The following ZNF804A variants were observed in gnomAD, a reference collection of about 807,000 sequenced individuals.
ZNF804A encodes the protein zinc finger protein 804A.
A neutral mutation model predicts 16.5 loss-of-function variants in ZNF804A; 2 were observed. That is an observed-to-expected ratio of 0.12 (90% CI 0.05 to 0.38). The LOEUF (loss-of-function observed/expected upper bound fraction) is 0.38. Among genes scored for constraint, ZNF804A ranks in the 10% least tolerant of loss-of-function variants. The pLI, the probability that ZNF804A is intolerant of heterozygous loss-of-function variation, is 0.99. For missense variants in ZNF804A, 1,473 were observed against 1,390.7 expected, an observed-to-expected ratio of 1.06 and a Z score of -0.94; for synonymous variants, 534 against 489.6, an observed-to-expected ratio of 1.09 and a Z score of -1.20.
intron 1 of ZNF804A, among the ~76,000 whole-genome samples, chr2:184,683,689 G>A (rs1692578232): frequency 6.6e-6 from 1 of 152,094 alleles, no homozygotes; most frequent in African/African-American, 2.4e-5. Context: ...CAAAAAAATT[G>A]TACAATGCTG....
intron 1 of ZNF804A, among the ~76,000 whole-genome samples, chr2:184,797,750 G>A (rs1558964664): frequency 2.0e-5 from 3 of 151,882 alleles, no homozygotes. Flanking sequence ...TGTGTACCTT[G>A]GATTTTTTGC....
chr2:184,874,897 C>G (rs1322328523), intron 2 of ZNF804A, among the ~76,000 whole-genome samples: 5 of 152,120 alleles, frequency 3.3e-5, no homozygotes, highest in Admixed American at 1.3e-4. Context: ...AAATCATTAT[C>G]TTAAGCTACA....
intron 1 of ZNF804A, among the ~76,000 whole-genome samples, chr2:184,745,803 A>G (rs575184452): frequency 3.3e-4 from 50 of 151,778 alleles, no homozygotes; most frequent in Non-Finnish European, 5.3e-4. Context: ...ATGCCCTAGC[A>G]TAATGCTTAA....
intron 2 of ZNF804A, among the ~76,000 whole-genome samples, chr2:184,879,687 A>G (rs1383369749): frequency 6.6e-6 from 1 of 152,012 alleles, no homozygotes; most frequent in Non-Finnish European, 1.5e-5. Context: ...TGAGAAAATA[A>G]TTTTTTGGTA....
chr2:184,717,998 G>A (rs952945761), intron 1 of ZNF804A, among the ~76,000 whole-genome samples: 3 of 152,068 alleles, frequency 2.0e-5, no homozygotes, highest in Admixed American at 1.3e-4. Flanking sequence ...AAAATAAAAG[G>A]CACCTATATT....
chr2:184,668,490 C>T (rs915655448), intron 1 of ZNF804A, among the ~76,000 whole-genome samples: 1 of 151,872 alleles, frequency 6.6e-6, no homozygotes, highest in African/African-American at 2.4e-5. Context: ...TTCTCTCCAT[C>T]AACAAATTAG....
chr2:184,798,633 C>T (rs1694674338), intron 1 of ZNF804A, among the ~76,000 whole-genome samples: 1 of 151,990 alleles, frequency 6.6e-6, no homozygotes, highest in African/African-American at 2.4e-5. Flanking sequence ...TCTCTCTTCA[C>T]TTCTTGTATT....
chr2:184,820,191 C>T (rs1695052022), intron 1 of ZNF804A, among the ~76,000 whole-genome samples: 1 of 152,004 alleles, frequency 6.6e-6, no homozygotes, highest in South Asian at 2.1e-4. Context: ...AGACTAAATC[C>T]AGCAGCACAT....
At position 184,635,515 on chromosome 2, in the gene ZNF804A, A is replaced by T. The variant is rs559492279; in HGVS notation, c.111+36445A>T. ...ATATGGCAAAAGTATTATTAAAGAA[A>T]GCAAATACAATATGTTCTCCAGAAT... On this transcript the variant is annotated intron_variant, in intron 1 of 3. Transcript: ENST00000302277. 7.9e-5 allele frequency among the ~76,000 whole-genome samples: 12 copies of T among 152,294 alleles called. No homozygotes were observed. The East Asian group carries it at 2.3e-3, about 29-fold the overall frequency.
At chr2:184,708,345 T>C (rs2105735192) in intron 1 of ZNF804A, among the ~76,000 whole-genome samples, 1 of 152,196 alleles carries the variant, frequency 6.6e-6, no homozygotes, top group Non-Finnish European at 1.5e-5. Context: ...GCCAAAGCTA[T>C]TCTAAATAAA....
At chr2:184,920,096 C>G (rs1685507210) in intron 2 of ZNF804A, among the ~76,000 whole-genome samples, 1 of 152,092 alleles carries the variant, frequency 6.6e-6, no homozygotes, top group Non-Finnish European at 1.5e-5. Flanking sequence ...GCCTGGGAAA[C>G]AGAGTGAGAT....
intron 1 of ZNF804A, among the ~76,000 whole-genome samples, chr2:184,710,764 T>C (rs1434358900): frequency 6.6e-6 from 1 of 151,858 alleles, no homozygotes; most frequent in Non-Finnish European, 1.5e-5. Flanking sequence ...CATGCAGTAT[T>C]TGTCCTTCTG....
At chr2:184,699,342 C>T (rs766585526) in intron 1 of ZNF804A, among the ~76,000 whole-genome samples, 3 of 151,974 alleles carry the variant, frequency 2.0e-5, no homozygotes, top group Non-Finnish European at 2.9e-5. Flanking sequence ...TAAGTAATAC[C>T]AATCTGAAAG....
chr2:184,655,798 C>T (rs2105703146), intron 1 of ZNF804A, among the ~76,000 whole-genome samples: 1 of 151,584 alleles, frequency 6.6e-6, no homozygotes, highest in Non-Finnish European at 1.5e-5. Flanking sequence ...TATTTTCTGC[C>T]TTAACAATTA....
chr2:184,616,406 C>G (rs1281934444), intron 1 of ZNF804A, among the ~76,000 whole-genome samples: 1 of 152,086 alleles, frequency 6.6e-6, no homozygotes, highest in African/African-American at 2.4e-5. Flanking sequence ...TACTGAAATG[C>G]TCTAAGATGC....
At chr2:184,699,483 C>T (rs1398193769) in intron 1 of ZNF804A, among the ~76,000 whole-genome samples, 1 of 152,006 alleles carries the variant, frequency 6.6e-6, no homozygotes, top group Non-Finnish European at 1.5e-5. Flanking sequence ...AAGCTGCTGC[C>T]AAAATGCATA....
At chr2:184,832,465 G>A (rs1359613402) in intron 1 of ZNF804A, among the ~76,000 whole-genome samples, 2 of 151,820 alleles carry the variant, frequency 1.3e-5, no homozygotes, top group African/African-American at 4.8e-5. Context: ...CAATGAAATC[G>A]GTTAATTTGG....
intron 1 of ZNF804A, among the ~76,000 whole-genome samples, chr2:184,805,963 T>C (rs1161145043): frequency 1.3e-5 from 2 of 151,968 alleles, no homozygotes; most frequent in African/African-American, 4.8e-5. Context: ...TACAATTCTG[T>C]AGAGGATCAA....
chr2:184,662,577 C>A (rs910093633), intron 1 of ZNF804A, among the ~76,000 whole-genome samples: 1 of 152,100 alleles, frequency 6.6e-6, no homozygotes, highest in African/African-American at 2.4e-5. Flanking sequence ...CTTTTTAATT[C>A]AGGAAAATAT....
Sources: gnomAD v4.1 joint callset for allele counts (sites outside exome capture counted in the v4.1 genomes callset) on GRCh38, gnomAD v4.1.1 for gene constraint, MANE v1.5 for transcripts, NCBI Gene and HGNC (gene_info 2026-07-23, HGNC 2026-07-21) for gene names.